Variants in FAM91A1 observed in about 807,000 individuals in gnomAD.
The protein encoded by FAM91A1 is family with sequence similarity 91 member A1.
In FAM91A1, 41 loss-of-function variants were observed where a neutral mutation model predicts 113.5. The observed-to-expected ratio is 0.36, with a 90% CI of 0.28 to 0.47. The LOEUF (loss-of-function observed/expected upper bound fraction) is 0.47, where lower values mean the gene tolerates loss of function less well. Among genes scored for constraint, FAM91A1 ranks in the 20% least tolerant of loss-of-function variants. The pLI is 1.00. For synonymous variants in FAM91A1, 307 were observed against 347.9 expected (o/e 0.88, Z 1.31); for missense variants, 696 against 1,001.2 (o/e 0.70, Z 4.11).
intron 8 of FAM91A1, among the ~76,000 whole-genome samples, chr8:123,781,517 G>A (rs987684280): frequency 3.0e-5 from 4 of 131,730 alleles, no homozygotes; most frequent in Non-Finnish European, 6.2e-5. Context: ...TAGCTCTATC[G>A]CCCAGGCTGG....
At chr8:123,789,472 A>T in intron 14 of FAM91A1, 141 bp from the exon 15 acceptor site, 2 of 1,149,864 alleles carry the variant, frequency 1.7e-6, no homozygotes, top group Non-Finnish European at 2.5e-6. Context: ...GACTGAGGTT[A>T]ATAACTTGTT....
chr8:123,799,299 G>A (rs1326486402), intron 16 of FAM91A1, among the ~76,000 whole-genome samples: 1 of 152,112 alleles, frequency 6.6e-6, no homozygotes, highest in Non-Finnish European at 1.5e-5. Flanking sequence ...TCCAAACTAG[G>A]CAGTCTTCTC....
chr8:123,810,719 C>T (rs1815933960), intron 23 of FAM91A1: 1 of 239,420 alleles, frequency 4.2e-6, no homozygotes, highest in Non-Finnish European at 8.0e-6. Flanking sequence ...AAGGCCAGTG[C>T]TCTGGACTTC....
chr8:123,794,860 A>G (rs1815473327), intron 15 of FAM91A1, among the ~76,000 whole-genome samples: 1 of 152,252 alleles, frequency 6.6e-6, no homozygotes, highest in Non-Finnish European at 1.5e-5. Flanking sequence ...CTGCAGCTGC[A>G]GTTGCCCATC....
chr8:123,787,886 A>G (rs1815297334), intron 14 of FAM91A1, 136 bp downstream of exon 14: 2 of 615,186 alleles, frequency 3.3e-6, no homozygotes, highest in Non-Finnish European at 5.3e-6. Flanking sequence ...CATTCCCCAA[A>G]TTAGTACTCT....
rs545069138 is a variant in FAM91A1, at chr8:123,808,834, T to C, written c.2138-59T>C. 4.8e-5 allele frequency: 69 copies of C among 1,433,824 alleles called. No individual in the cohort carries two copies. In the South Asian group the frequency reaches 9.2e-4, roughly 19 times the overall value. The allele number at this position is 1,433,824 out of a possible 1,614,324, so 88.8% of individuals were successfully genotyped here. A position where few individuals can be genotyped will look rare whatever the true frequency, so the allele number is the denominator to read the frequency against. On this transcript the variant is annotated intron_variant, in intron 21 of 23. Transcript: ENST00000334705. ...TTAAGAAACCCTTGTCAGTTATATA[T>C]AATATATACATAAGTAGATATATAT...
At chr8:123,803,852 G>A (rs1815743234) in intron 18 of FAM91A1, among the ~76,000 whole-genome samples, 2 of 152,146 alleles carry the variant, frequency 1.3e-5, no homozygotes, top group South Asian at 4.2e-4. Flanking sequence ...GATATATCAG[G>A]GTTTCTTGAA....
chr8:123,768,926 G>T, intron 1 of FAM91A1, 152 bp downstream of exon 1: 1 of 766,744 alleles, frequency 1.3e-6, no homozygotes. Context: ...CTTCAGCCCA[G>T]GGCGAGGAGG....
At chr8:123,777,131 T>C (rs1815004031) in intron 3 of FAM91A1, 134 bp from the exon 4 acceptor site, 2 of 643,444 alleles carry the variant, frequency 3.1e-6, no homozygotes, top group South Asian at 4.2e-5. Context: ...GCATGTATGC[T>C]CTAGGTAGCC....
intron 1 of FAM91A1, among the ~76,000 whole-genome samples, 153 bp downstream of exon 1, chr8:123,768,927 G>A (rs982132180): frequency 6.6e-6 from 1 of 152,206 alleles, no homozygotes; most frequent in African/African-American, 2.4e-5. Flanking sequence ...TTCAGCCCAG[G>A]GCGAGGAGGG....
chr8:123,781,474 A>ATT (rs35842167), intron 8 of FAM91A1, among the ~76,000 whole-genome samples: 82 of 121,260 alleles, frequency 6.8e-4, no homozygotes, highest in East Asian at 1.4e-3. Context: ...GCATATGTGA[A>ATT]TTTTTTTTTT....
At chr8:123,806,859 C>T (rs1358857345) in intron 20 of FAM91A1, among the ~76,000 whole-genome samples, 1 of 151,960 alleles carries the variant, frequency 6.6e-6, no homozygotes, top group African/African-American at 2.4e-5. Flanking sequence ...TCCAGTCTGT[C>T]CTACATATTG....
At chr8:123,798,319 A>G (rs967788864) in intron 16 of FAM91A1, 81 bp downstream of exon 16, 1 of 1,456,990 alleles carries the variant, frequency 6.9e-7, no homozygotes, top group Non-Finnish European at 9.2e-7. Context: ...GCAGATACCA[A>G]CTATTAAAAT....
chr8:123,798,312 G>C (rs1029974742), intron 16 of FAM91A1, 74 bp downstream of exon 16: 1 of 1,488,602 alleles, frequency 6.7e-7, no homozygotes, highest in African/African-American at 1.4e-5. Context: ...TCTATCTGCA[G>C]ATACCAACTA....
intron 19 of FAM91A1, 54 bp from the exon 20 acceptor site, chr8:123,806,026 T>C (rs1292888711): frequency 3.7e-5 from 54 of 1,444,640 alleles, no homozygotes; most frequent in Non-Finnish European, 4.0e-5. Context: ...TTTAAGCTGT[T>C]GGCGTTGTGT....
chr8:123,777,658 A>G (rs1336992583), intron 4 of FAM91A1, among the ~76,000 whole-genome samples: 1 of 152,236 alleles, frequency 6.6e-6, no homozygotes, highest in African/African-American at 2.4e-5. Context: ...AGGGTGACAT[A>G]CAGTTTTTAG....
At chr8:123,774,363 T>G (rs183693037) in intron 2 of FAM91A1, among the ~76,000 whole-genome samples, 199 bp downstream of exon 2, 1 of 152,316 alleles carries the variant, frequency 6.6e-6, no homozygotes, top group African/African-American at 2.4e-5. Flanking sequence ...ATAAAAATTA[T>G]TTTTAGAGTA....
rs767545105 is a variant in FAM91A1 at position 123,775,246 on chromosome 8, T to C, written c.257T>C (p.Met86Thr). ...MLYPYHLSDI[M>T]VKGLRITPFS... Reference sequence around the variant, plus strand: ...TACCCTTACCATCTATCGGATATTATGGTGAAAGGCTTGAGGATAACACCA... The same window carrying C: ...TACCCTTACCATCTATCGGATATTACGGTGAAAGGCTTGAGGATAACACCA... Residue 86 changes from methionine (M) to threonine (T), a missense_variant, in exon 3 of 24, where the codon ATG becomes ACG. Physicochemically the swap from Met to Thr is moderately conservative, Grantham distance 81. Coordinates refer to ENST00000334705, the MANE Select transcript of FAM91A1 (RefSeq NM_144963.4). 6.2e-6 allele frequency: 10 copies of C among 1,614,076 alleles called. No individual in the cohort carries two copies. Among genetic ancestry groups the C allele is most frequent in the South Asian group, 1.1e-5 (1 of 91,054 alleles).
intron 1 of FAM91A1, among the ~76,000 whole-genome samples, chr8:123,768,984 G>A (rs1283927535): frequency 6.6e-6 from 1 of 152,226 alleles, no homozygotes; most frequent in Non-Finnish European, 1.5e-5. Context: ...CGCTAAATGG[G>A]ATGGCATGGT....
Sources: allele counts gnomAD v4.1 joint callset (sites outside exome capture counted in the v4.1 genomes callset), GRCh38; gene constraint gnomAD v4.1.1; transcripts MANE v1.5; gene names NCBI Gene and HGNC (gene_info 2026-07-23, HGNC 2026-07-21).